Variants in AFG2A observed in about 807,000 individuals in gnomAD.
AFG2A encodes the protein AAA ATPase AFG2A.
the AFG2A span, among the ~76,000 whole-genome samples, chr4:123,208,306 C>T: frequency 6.6e-6 from 1 of 152,032 alleles, no homozygotes; most frequent in Non-Finnish European, 1.5e-5. Flanking sequence ...GGATCAGTGG[C>T]CTAAATATAA....
chr4:122,941,570 T>C, the AFG2A span, among the ~76,000 whole-genome samples: 1,991 of 152,160 alleles, frequency 0.013, 1 homozygote, highest in Non-Finnish European at 0.017. Flanking sequence ...ACAATCATGT[T>C]GTCTGCAAAC....
the AFG2A span, among the ~76,000 whole-genome samples, chr4:122,959,335 T>C: frequency 6.6e-6 from 1 of 152,232 alleles, no homozygotes; most frequent in East Asian, 1.9e-4. Context: ...ATGAATGTCT[T>C]AAGTTTTTCA....
chr4:122,998,468 C>T, the AFG2A span, among the ~76,000 whole-genome samples: 1 of 151,408 alleles, frequency 6.6e-6, no homozygotes, highest in Non-Finnish European at 1.5e-5. Flanking sequence ...CCACTCCCCC[C>T]ACCCCACAAC....
At chr4:123,129,860 A>G in the AFG2A span, among the ~76,000 whole-genome samples, 1 of 151,910 alleles carries the variant, frequency 6.6e-6, no homozygotes, top group African/African-American at 2.4e-5. Flanking sequence ...ATGTTTTTAA[A>G]TTTTGTTCTA....
At chr4:122,961,552 C>T in the AFG2A span, among the ~76,000 whole-genome samples, 7 of 152,108 alleles carry the variant, frequency 4.6e-5, no homozygotes, top group Admixed American at 1.3e-4. Context: ...TTGCCCAGGC[C>T]GGAGTGCAGT....
the AFG2A span, among the ~76,000 whole-genome samples, chr4:123,209,970 G>A: frequency 1.3e-5 from 2 of 152,070 alleles, no homozygotes; most frequent in Non-Finnish European, 2.9e-5. Context: ...AGCAGTAATA[G>A]CTTCCTGCAG....
the AFG2A span, among the ~76,000 whole-genome samples, chr4:123,021,742 C>A: frequency 0.99 from 151,321 of 152,336 alleles, 75,155 homozygotes; most frequent in Middle Eastern, 1. Flanking sequence ...ACAAAGTCTC[C>A]ATATAGTCAG....
At chr4:122,927,559 T>G in the AFG2A span, 1 of 1,459,916 alleles carries the variant, frequency 6.8e-7, no homozygotes, top group Non-Finnish European at 9.3e-7. Context: ...AGAGTATTTT[T>G]ATTTACTGCA....
the AFG2A span, among the ~76,000 whole-genome samples, chr4:122,968,250 T>C: frequency 6.6e-6 from 1 of 152,230 alleles, no homozygotes; most frequent in Non-Finnish European, 1.5e-5. Context: ...AGTTTTTTTT[T>C]ACTTGCGCCA....
the AFG2A span, among the ~76,000 whole-genome samples, chr4:122,923,808 C>T: frequency 9.9e-5 from 15 of 152,226 alleles, no homozygotes; most frequent in East Asian, 2.9e-3. Context: ...CTAATTTCTA[C>T]AGAAGCCGTG....
the AFG2A span, among the ~76,000 whole-genome samples, chr4:123,264,258 G>A: frequency 6.6e-6 from 1 of 152,166 alleles, no homozygotes; most frequent in Non-Finnish European, 1.5e-5. Flanking sequence ...ATTGGGTACA[G>A]TGTACACTGC....
the AFG2A span, among the ~76,000 whole-genome samples, chr4:123,090,103 GAA>G: frequency 1.3e-5 from 2 of 152,158 alleles, no homozygotes; most frequent in Non-Finnish European, 2.9e-5. Flanking sequence ...TATTTATGAA[GAA>G]ACATCAGAAA....
the AFG2A span, among the ~76,000 whole-genome samples, chr4:123,110,181 TGA>T: frequency 1.3e-5 from 2 of 152,302 alleles, no homozygotes; most frequent in African/African-American, 4.8e-5. Context: ...GAAGTAATGC[TGA>T]GAGTTTAATC....
chr4:123,030,037 G>A, the AFG2A span, among the ~76,000 whole-genome samples: 1 of 152,138 alleles, frequency 6.6e-6, no homozygotes, highest in African/African-American at 2.4e-5. Flanking sequence ...ATGTGGTAAT[G>A]GGGATGGCTG....
At chr4:123,095,050 T>A in the AFG2A span, among the ~76,000 whole-genome samples, 5,440 of 45,974 alleles carry the variant, frequency 0.12, 150 homozygotes, top group Non-Finnish European at 0.15. Context: ...AAAATATATA[T>A]ATATATATAT....
chr4:123,091,236 C>T, the AFG2A span, among the ~76,000 whole-genome samples: 2 of 152,146 alleles, frequency 1.3e-5, no homozygotes, highest in African/African-American at 2.4e-5. Context: ...TTGAGAGCTA[C>T]GATGGGAGAG....
the AFG2A span, among the ~76,000 whole-genome samples, chr4:123,230,657 T>C: frequency 6.6e-6 from 1 of 152,100 alleles, no homozygotes; most frequent in East Asian, 1.9e-4. Flanking sequence ...GAATAGTGAA[T>C]CCTTTCCAGA....
the AFG2A span, among the ~76,000 whole-genome samples, chr4:123,084,610 GTGTGTA>G: frequency 6.7e-6 from 1 of 148,754 alleles, no homozygotes; most frequent in South Asian, 2.1e-4. Context: ...GTGTGTGTGT[GTGTGTA>G]TATATATATA....
chr4:123,230,012 T>C, the AFG2A span, among the ~76,000 whole-genome samples: 2 of 151,988 alleles, frequency 1.3e-5, no homozygotes, highest in African/African-American at 2.4e-5. Flanking sequence ...ATGCTAGCAA[T>C]CATCTGAGCC....
Sources: gnomAD v4.1 joint callset for allele counts (sites outside exome capture counted in the v4.1 genomes callset) on GRCh38, gnomAD v4.1.1 for gene constraint, MANE v1.5 for transcripts, NCBI Gene and HGNC (gene_info 2026-07-23, HGNC 2026-07-21) for gene names.